The following BDNF variants were observed in gnomAD, a reference collection of about 807,000 sequenced individuals.
BDNF encodes the protein brain derived neurotrophic factor, also known as neurotrophic factor BDNF precursor form.
In BDNF, 1 loss-of-function variant was observed where a neutral mutation model predicts 19.5. That is an observed-to-expected ratio of 0.05 (90% CI 0.02 to 0.24). The LOEUF (loss-of-function observed/expected upper bound fraction) is 0.24. Ranked by LOEUF, BDNF falls within the 10% of genes least tolerant of loss-of-function variation. BDNF has a pLI of 1.00. For synonymous variants in BDNF, 100 were observed against 121.6 expected (o/e 0.82, Z 1.17); for missense variants, 195 against 317.6 (o/e 0.61, Z 2.93).
rs1016135594 is a variant in BDNF at position 27,657,449 on chromosome 11, TTGTG to T, written c.*368_*371del. 25 of 1,005,758 alleles carry T rather than the reference TTGTG, an allele frequency of 2.5e-5. No individual in the cohort carries two copies. Among genetic ancestry groups the T allele is most frequent in the African/African-American group, 5.6e-5 (3 of 53,824 alleles). 62.3% of individuals were successfully genotyped at this position (1,005,758 alleles called of 1,614,324 possible). On this transcript the variant is annotated 3_prime_UTR_variant, in exon 2 of 2. Coordinates refer to ENST00000356660, the MANE Select transcript of BDNF (RefSeq NM_001709.5). The surrounding 1 kb of genome is among the most constrained non-coding windows in gnomAD (Gnocchi z 5.0). ...CGGAATGTTTTGGTTCAAATTTTTGTTGTGTGTGTGTGTGTTTTTTTTCTGTTTT... is the reference window on the plus strand; with the variant it reads ...CGGAATGTTTTGGTTCAAATTTTTGTTGTGTGTGTGTTTTTTTTCTGTTTT...
chr11:27,684,210 T>C (rs1469819703), intron 1 of BDNF, among the ~76,000 whole-genome samples: 1 of 152,168 alleles, frequency 6.6e-6, no homozygotes, highest in Non-Finnish European at 1.5e-5. Flanking sequence ...TTTGTCATTA[T>C]TGGTGTATAG....
intron 1 of BDNF, chr11:27,699,487 A>T: frequency 1.2e-6 from 2 of 1,613,918 alleles, no homozygotes; most frequent in Non-Finnish European, 1.7e-6. Context: ...ACTTCCCTGG[A>T]GGGCGCTTCA....
intron 1 of BDNF, chr11:27,659,733 A>G (rs1853156091): frequency 1.1e-6 from 1 of 938,766 alleles, no homozygotes; most frequent in Non-Finnish European, 1.3e-6. Flanking sequence ...ATAGGCAGCT[A>G]GTGCTTCTTT....
upstream of BDNF, chr11:27,700,527 C>T (rs1183217408): frequency 1.3e-5 from 6 of 465,196 alleles, no homozygotes; most frequent in South Asian, 1.0e-4. Flanking sequence ...GCCGCCCCCC[C>T]CCCCCCGCCC....
intron 1 of BDNF, among the ~76,000 whole-genome samples, chr11:27,669,227 A>C (rs1854907561): frequency 6.6e-6 from 1 of 152,100 alleles, no homozygotes; most frequent in South Asian, 2.1e-4. Context: ...TAAAAACTCT[A>C]AATAAACTAG....
At chr11:27,682,657 T>G (rs1564969911) in intron 1 of BDNF, among the ~76,000 whole-genome samples, 1 of 152,028 alleles carries the variant, frequency 6.6e-6, no homozygotes, top group African/African-American at 2.4e-5. Flanking sequence ...GAACATGTGG[T>G]GTTTGGTTTT....
At chr11:27,686,486 A>C (rs1363025241) in intron 1 of BDNF, among the ~76,000 whole-genome samples, 3 of 152,152 alleles carry the variant, frequency 2.0e-5, no homozygotes, top group Non-Finnish European at 4.4e-5. Context: ...CAGTTTCTTC[A>C]TAGTTTCAAT....
chr11:27,664,719 G>GCTAC (rs1202193094), intron 1 of BDNF, among the ~76,000 whole-genome samples: 1 of 152,140 alleles, frequency 6.6e-6, no homozygotes, highest in African/African-American at 2.4e-5. Context: ...AGAAGTTGAG[G>GCTAC]CTACAGTGAG....
intron 1 of BDNF, among the ~76,000 whole-genome samples, chr11:27,719,300 A>G (rs1860655251): frequency 6.6e-6 from 1 of 152,142 alleles, no homozygotes; most frequent in African/African-American, 2.4e-5. Flanking sequence ...GCGCCTCCGG[A>G]CGCAACCTCG....
intron 1 of BDNF, among the ~76,000 whole-genome samples, chr11:27,682,241 C>A (rs1856924474): frequency 6.6e-6 from 1 of 151,792 alleles, no homozygotes; most frequent in Non-Finnish European, 1.5e-5. Context: ...GTTTCTAAAC[C>A]CAACATAGGC....
chr11:27,717,040 T>C (rs1167892052), intron 1 of BDNF, among the ~76,000 whole-genome samples: 10 of 152,290 alleles, frequency 6.6e-5, no homozygotes, highest in Admixed American at 2.0e-4. Flanking sequence ...TGTTTCTTAC[T>C]AAAGCTTCCC....
upstream of BDNF, among the ~76,000 whole-genome samples, chr11:27,701,973 C>T (rs1000149240): frequency 6.6e-6 from 1 of 150,612 alleles, no homozygotes; most frequent in African/African-American, 2.4e-5. Flanking sequence ...CCGCCCTCCA[C>T]CCCCACCACT....
At chr11:27,714,474 T>C (rs1044855649) in intron 1 of BDNF, among the ~76,000 whole-genome samples, 13 of 152,158 alleles carry the variant, frequency 8.5e-5, no homozygotes, top group African/African-American at 2.9e-4. Context: ...TGATAGCAGG[T>C]CTTCCATCGC....
At chr11:27,663,181 T>G (rs552838971) in intron 1 of BDNF, among the ~76,000 whole-genome samples, 52 of 152,370 alleles carry the variant, frequency 3.4e-4, no homozygotes, top group African/African-American at 1.2e-3. Context: ...CAATTCTTCA[T>G]TTTCAACCTT....
intron 1 of BDNF, among the ~76,000 whole-genome samples, chr11:27,663,299 T>A (rs1029912431): frequency 2.6e-5 from 4 of 152,248 alleles, no homozygotes; most frequent in African/African-American, 9.6e-5. Context: ...TAATTCTGCT[T>A]TAAGGCTTAC....
Position 27,714,049 on chromosome 11 carries a change from C to G in BDNF, c.3+7363G>C, listed in dbSNP as rs143909523. The stretch of plus-strand genomic sequence containing the variant: ...GCATCAGAAGTTATTTTAAATATGA[C>G]ATCTTTATAAAAGTCAATAGCTGCC... On this transcript the variant is annotated intron_variant, in intron 1 of 1. Coordinates refer to the BDNF transcript ENST00000314915. Among the ~76,000 whole-genome samples the G allele has an allele frequency of 1.1e-3, 165 of 152,326 alleles. 1 individual carries two copies. The highest frequency in any genetic ancestry group is 2.4e-3 in the Admixed American group (36 of 15,306).
At chr11:27,708,166 A>T (rs1026884237) in intron 1 of BDNF, among the ~76,000 whole-genome samples, 1 of 152,200 alleles carries the variant, frequency 6.6e-6, no homozygotes, top group Non-Finnish European at 1.5e-5. Flanking sequence ...TAATTTAAAT[A>T]AGTTCCAAGT....
At position 27,674,184 on chromosome 11, in the gene BDNF, CAT is replaced by C. The variant is rs539177035; in HGVS notation, c.-21-15601_-21-15600del. On this transcript the variant is annotated intron_variant, in intron 1 of 1. Transcript: ENST00000356660. ...AGAAGCGTGTGGGTAGACGCCAAAA[CAT>C]GTGTGGACCTGCAACCCTTTCTGTA... The C allele has an allele frequency of 7.0e-4, 1,119 of 1,608,346 alleles. 1 individual carries two copies. The highest frequency in any genetic ancestry group is 2.0e-3 in the South Asian group (182 of 89,850).
chr11:27,676,855 A>G (rs918254857), intron 1 of BDNF: 3 of 152,228 alleles, frequency 2.0e-5, no homozygotes, highest in Admixed American at 6.5e-5. Context: ...GAGCATTGAA[A>G]GCCTTATACA....
Sources: gnomAD v4.1 joint callset for allele counts (sites outside exome capture counted in the v4.1 genomes callset) on GRCh38, gnomAD v4.1.1 for gene constraint, Gnocchi (gnomAD v3.1) non-coding constraint, MANE v1.5 for transcripts, NCBI Gene and HGNC (gene_info 2026-07-23, HGNC 2026-07-21) for gene names.